Variants in PCDHGB7 observed in about 807,000 individuals in gnomAD.
PCDHGB7 encodes protocadherin gamma subfamily B, 7.
A neutral mutation model predicts 61.4 loss-of-function variants in PCDHGB7; 37 were observed. The ratio of observed to expected loss-of-function variants is 0.60; its 90% CI spans 0.46 to 0.79. PCDHGB7 has a LOEUF of 0.79. PCDHGB7 is among the 30% of genes least tolerant of loss of function. PCDHGB7 has a pLI of 0.00. For synonymous variants in PCDHGB7, 464 were observed against 503.5 expected (o/e 0.92, Z 1.05); for missense variants, 1,166 against 1,202.5 (o/e 0.97, Z 0.45).
intron 1 of PCDHGB7, among the ~76,000 whole-genome samples, chr5:141,480,400 G>A (rs1364147575): frequency 6.8e-6 from 1 of 146,550 alleles, no homozygotes; most frequent in Non-Finnish European, 1.5e-5. Context: ...TGGCAATAGA[G>A]TGAGACCCTG....
chr5:141,485,882 G>C lies in PCDHGB7; in HGVS notation c.2416-8925G>C. 6.2e-7 allele frequency: 1 copy of C among 1,614,146 alleles called. No homozygotes were observed. On this transcript the variant is annotated intron_variant, in intron 1 of 3. Transcript: ENST00000398594. The surrounding 1 kb of genome is among the most constrained non-coding windows in gnomAD (Gnocchi z 5.7). ...CCGGGTATCCGTGCTGGACGTAAACGACAACGCCCCAGCCTTCCAGCAATC... is the reference window on the plus strand; with the variant it reads ...CCGGGTATCCGTGCTGGACGTAAACCACAACGCCCCAGCCTTCCAGCAATC...
intron 2 of PCDHGB7, 91 bp from the exon 3 acceptor site, chr5:141,505,302 G>T: frequency 6.3e-7 from 1 of 1,592,714 alleles, no homozygotes; most frequent in Non-Finnish European, 8.5e-7. Context: ...TAGGGTTAGG[G>T]TACTAGGTTT....
intron 1 of PCDHGB7, among the ~76,000 whole-genome samples, chr5:141,436,181 T>A (rs1050736907): frequency 1.3e-5 from 2 of 152,092 alleles, no homozygotes; most frequent in African/African-American, 4.8e-5. Context: ...TCATATATAG[T>A]CAAATAGAAA....
In PCDHGB7 at chr5:141,485,848, C is replaced by A; in HGVS notation, c.2416-8959C>A. The stretch of plus-strand genomic sequence containing the variant: ...GAGGGAACCCGCCGAGATCTGGCAC[C>A]GCAGAGCTCCGGGTATCCGTGCTGG... On this transcript the variant is annotated intron_variant, in intron 1 of 3. Transcript: ENST00000398594. This position sits in a 1 kb window ranked among gnomAD's most constrained non-coding sequence, Gnocchi z 5.7. 1 of 1,614,192 alleles carries A rather than the reference C, an allele frequency of 6.2e-7. No homozygotes were observed. The highest frequency in any genetic ancestry group is 8.5e-7 in the Non-Finnish European group (1 of 1,180,020).
At chr5:141,500,562 T>A (rs2099801387) in intron 2 of PCDHGB7, among the ~76,000 whole-genome samples, 1 of 152,202 alleles carries the variant, frequency 6.6e-6, no homozygotes, top group Admixed American at 6.5e-5. Flanking sequence ...CACAAACTTG[T>A]CACACTTTCA....
Position 141,497,143 on chromosome 5 carries a change from G to GA in PCDHGB7, c.2474+2287dup, listed in dbSNP as rs928640875. ...AGAGGTTGCAGTGAGCTGAGATCAC[G>GA]AAAAAAAAATAATCTAGCCACAAAT... On this transcript the variant is annotated intron_variant, in intron 2 of 3. Coordinates refer to ENST00000398594, the MANE Select transcript of PCDHGB7 (RefSeq NM_018927.4). 1.3e-3 allele frequency among the ~76,000 whole-genome samples: 194 copies of GA among 150,104 alleles called. 4 individuals are homozygous for GA. The highest frequency in any genetic ancestry group is 7.6e-3 in the Admixed American group (115 of 15,100).
In PCDHGB7 at chr5:141,490,453, T is replaced by C; in HGVS notation, c.2416-4354T>C. 6.2e-7 allele frequency: 1 copy of C among 1,614,178 alleles called. No homozygotes were observed. Among genetic ancestry groups the C allele is most frequent in the Non-Finnish European group, 8.5e-7 (1 of 1,180,042 alleles). ...GATTAAGCCTTCTGAGAACCACTAC[T>C]CGCTGCTAACCAGCCAGCCTTTGGA... On this transcript the variant is annotated intron_variant, in intron 1 of 3. Coordinates refer to ENST00000398594, the MANE Select transcript of PCDHGB7 (RefSeq NM_018927.4). This position sits in a 1 kb window ranked among gnomAD's most constrained non-coding sequence, Gnocchi z 5.4.
At chr5:141,441,102 C>G (rs1057297804) in intron 1 of PCDHGB7, 1 of 152,148 alleles carries the variant, frequency 6.6e-6, no homozygotes, top group East Asian at 1.9e-4. Context: ...GAGAGGGACT[C>G]ATTGTCCAGT....
chr5:141,479,939 A>G (rs763454741), intron 1 of PCDHGB7, among the ~76,000 whole-genome samples: 2 of 152,004 alleles, frequency 1.3e-5, no homozygotes, highest in Non-Finnish European at 2.9e-5. Flanking sequence ...ATTGCTATCA[A>G]CTCTTGGATT....
Position 141,418,875 on chromosome 5 carries a change from A to G in PCDHGB7, c.1016A>G (p.Asp339Gly), listed in dbSNP as rs2097697666. The change falls in exon 1 of 4, where the codon GAC becomes GGC. Residue 339 changes from aspartate (D) to glycine (G), a missense_variant. By Grantham distance (94) the Asp-to-Gly change is moderately conservative (BLOSUM62 -1). Coordinates refer to ENST00000398594, the MANE Select transcript of PCDHGB7 (RefSeq NM_018927.4). Reference sequence around the variant, plus strand: ...TGTAAAGTAATTGTAGAAGTTGTAGACGAAAACGACAACAGCCCAGAAATA... The same window carrying G: ...TGTAAAGTAATTGTAGAAGTTGTAGGCGAAAACGACAACAGCCCAGAAATA... ...TRCKVIVEVVDENDNSPEIII... is the reference protein window; with the variant it reads ...TRCKVIVEVVGENDNSPEIII... 1 of 1,613,926 alleles carries G rather than the reference A, an allele frequency of 6.2e-7. No individual in the cohort carries two copies. The highest frequency in any genetic ancestry group is 1.3e-5 in the African/African-American group (1 of 74,940).
At chr5:141,421,225 G>A in intron 1 of PCDHGB7, 1 of 1,584,302 alleles carries the variant, frequency 6.3e-7, no homozygotes. Flanking sequence ...CTTAGAGCCT[G>A]CCATGGCGAA....
intron 1 of PCDHGB7, among the ~76,000 whole-genome samples, chr5:141,442,633 C>A (rs1210890820): frequency 6.6e-6 from 1 of 152,158 alleles, no homozygotes; most frequent in Admixed American, 6.5e-5. Flanking sequence ...AGCAGCAAGA[C>A]CAAAGGCCTA....
intron 1 of PCDHGB7, among the ~76,000 whole-genome samples, chr5:141,450,564 G>A (rs1397334260): frequency 2.0e-5 from 3 of 151,932 alleles, no homozygotes; most frequent in African/African-American, 7.3e-5. Context: ...TCGGCTCACT[G>A]CAACTTCTGC....
rs1289513674 is a variant in PCDHGB7 at position 141,432,063 on chromosome 5, A to T, written c.2415+11789A>T. On this transcript the variant is annotated intron_variant, in intron 1 of 3. Coordinates refer to ENST00000398594, the MANE Select transcript of PCDHGB7 (RefSeq NM_018927.4). The surrounding 1 kb of genome is among the most constrained non-coding windows in gnomAD (Gnocchi z 6.0). ...CGGGGAACCCCGCCCCTATCCACGG[A>T]AACTCATATCTCGCTGAACGTGGCA... The T allele has an allele frequency of 8.7e-6, 14 of 1,614,134 alleles. No individual in the cohort carries two copies. The highest frequency in any genetic ancestry group is 1.2e-5 in the Non-Finnish European group (14 of 1,180,028).
chr5:141,461,921 T>G (rs2099026403), intron 1 of PCDHGB7, among the ~76,000 whole-genome samples: 1 of 152,222 alleles, frequency 6.6e-6, no homozygotes, highest in Non-Finnish European at 1.5e-5. Flanking sequence ...CCTCCTGGGT[T>G]CCAGCAATTC....
At chr5:141,423,510 TGCGGACTC>T in intron 1 of PCDHGB7, 1 of 1,613,792 alleles carries the variant, frequency 6.2e-7, no homozygotes, top group South Asian at 1.1e-5. Context: ...TCTCTCTCAT[TGCGGACTC>T]GCAGAAGAGT....
Position 141,489,569 on chromosome 5 carries a change from C to T in PCDHGB7, c.2416-5238C>T. On this transcript the variant is annotated intron_variant, in intron 1 of 3. Coordinates refer to ENST00000398594, the MANE Select transcript of PCDHGB7 (RefSeq NM_018927.4). This position sits in a 1 kb window ranked among gnomAD's most constrained non-coding sequence, Gnocchi z 4.5. ...TGCCTGCTGCCAGTGCAGGTGGTGACTGAACACCCCCTGGAGCTAATCCGT... is the reference window on the plus strand; with the variant it reads ...TGCCTGCTGCCAGTGCAGGTGGTGATTGAACACCCCCTGGAGCTAATCCGT... 6.2e-7 allele frequency: 1 copy of T among 1,614,024 alleles called. No homozygotes were observed. The highest frequency in any genetic ancestry group is 2.2e-5 in the East Asian group (1 of 44,870).
intron 1 of PCDHGB7, among the ~76,000 whole-genome samples, chr5:141,435,743 G>T (rs3805699): frequency 0.11 from 17,212 of 152,168 alleles, 1,160 homozygotes; most frequent in African/African-American, 0.18. Context: ...TCTTTGAAAA[G>T]CATTGCTTGA....
chr5:141,501,891 T>G (rs2099811650), intron 2 of PCDHGB7, among the ~76,000 whole-genome samples: 1 of 152,128 alleles, frequency 6.6e-6, no homozygotes, highest in Admixed American at 6.5e-5. Context: ...CTGATCATCA[T>G]GGTTCCAACC....
Sources: gnomAD v4.1 joint callset for allele counts (sites outside exome capture counted in the v4.1 genomes callset) on GRCh38, gnomAD v4.1.1 for gene constraint, Gnocchi (gnomAD v3.1) non-coding constraint, MANE v1.5 for transcripts, NCBI Gene and HGNC (gene_info 2026-07-23, HGNC 2026-07-21) for gene names.